OR2F1: variants seen among roughly 807,000 people sequenced by gnomAD.
The protein encoded by OR2F1 is olfactory receptor 2F1.
For missense variants in OR2F1, 389 were observed against 378.2 expected (o/e 1.03, Z -0.24); for synonymous variants, 146 against 155.3 (o/e 0.94, Z 0.44).
intron 2 of OR2F1, among the ~76,000 whole-genome samples, chr7:143,959,539 T>C (rs2116936595): frequency 6.6e-6 from 1 of 152,350 alleles, no homozygotes; most frequent in Non-Finnish European, 1.5e-5. Flanking sequence ...GTAGTAGATT[T>C]ACACATTTCA....
chr7:143,956,817 A>G (rs2050289555), intron 1 of OR2F1, among the ~76,000 whole-genome samples: 1 of 152,170 alleles, frequency 6.6e-6, no homozygotes, highest in Non-Finnish European at 1.5e-5. Flanking sequence ...AGATGGGAAT[A>G]AAGAGGGAAA....
At position 143,964,317 on chromosome 7, in the gene OR2F1, A is replaced by G. The variant is rs891976226; in HGVS notation, c.*3393A>G. 52 of 152,202 alleles carry G rather than the reference A, an allele frequency of 3.4e-4. No individual in the cohort carries two copies. Among genetic ancestry groups the G allele is most frequent in the African/African-American group, 1.3e-3 (52 of 41,462 alleles). The allele number at this position is 152,202 out of a possible 1,614,324, so 9.4% of individuals were successfully genotyped here. A position where few individuals can be genotyped will look rare whatever the true frequency, so the allele number is the denominator to read the frequency against. On this transcript the variant is annotated 3_prime_UTR_variant, in exon 3 of 3. Transcript: ENST00000641412. ...AAAATAAAATATTTTTCATTAGTTA[A>G]TAACCATAAAAACACCACTGAAGGT...
chr7:143,959,781 C>T, intron 2 of OR2F1, 167 bp from the exon 3 acceptor site: 1 of 523,952 alleles, frequency 1.9e-6, no homozygotes, highest in Non-Finnish European at 3.3e-6. Context: ...TAGTTTGTCT[C>T]TCTGATGCAA....
chr7:143,962,590 A>G lies in OR2F1; in HGVS notation c.*1666A>G, dbSNP rs1045348323. On this transcript the variant is annotated 3_prime_UTR_variant, in exon 3 of 3. Coordinates refer to ENST00000641412, the MANE Select transcript of OR2F1 (RefSeq NM_012369.3). ...CCAGAAATGTAAGAACAAGTTATCC[A>G]GAAGACAAGAAACCCAAAAAAGAAA... is the stretch of plus-strand genomic sequence containing the variant. The G allele has an allele frequency of 6.6e-6, 1 of 152,224 alleles. No homozygotes were observed. Among genetic ancestry groups the G allele is most frequent in the Admixed American group, 6.5e-5 (1 of 15,278 alleles). The allele number at this position is 152,224 out of a possible 1,614,324, so 9.4% of individuals were successfully genotyped here. A position where few individuals can be genotyped will look rare whatever the true frequency, so the allele number is the denominator to read the frequency against.
rs997484538 is a variant in OR2F1, at chr7:143,961,856, C to T, written c.*932C>T. 9.9e-5 allele frequency: 15 copies of T among 152,124 alleles called. No homozygotes were observed. The highest frequency in any genetic ancestry group is 1.9e-4 in the East Asian group (1 of 5,200). 9.4% of individuals were successfully genotyped at this position (152,124 alleles called of 1,614,324 possible). A position where few individuals can be genotyped will look rare whatever the true frequency, so the allele number is the denominator to read the frequency against. ...AGATAATTTAATATGAAGTTTGGAACGTCAAGGAAGGTCAGTCAACTATGC... is the reference window on the plus strand; with the variant it reads ...AGATAATTTAATATGAAGTTTGGAATGTCAAGGAAGGTCAGTCAACTATGC... On this transcript the variant is annotated 3_prime_UTR_variant, in exon 3 of 3. Coordinates refer to ENST00000641412, the MANE Select transcript of OR2F1 (RefSeq NM_012369.3).
At chr7:143,959,386 G>A (rs1472742391) in intron 2 of OR2F1, among the ~76,000 whole-genome samples, 2 of 152,174 alleles carry the variant, frequency 1.3e-5, no homozygotes, top group Non-Finnish European at 2.9e-5. Context: ...ATACTCGTGA[G>A]TTATGTAATA....
intron 1 of OR2F1, among the ~76,000 whole-genome samples, chr7:143,957,713 T>A (rs2050294826): frequency 6.6e-6 from 1 of 152,170 alleles, no homozygotes; most frequent in South Asian, 2.1e-4. Flanking sequence ...AGACTAAGGA[T>A]CATCAGTAAA....
rs774400423 is a variant in OR2F1, at chr7:143,960,075, T to G, written c.105T>G (p.Tyr35Ter). ...VSLFVLFLVM[Y>*]VVTVLGNCLI... ...TGTTTGTCCTGTTCTTGGTCATGTA[T>G]GTGGTGACCGTGCTGGGGAACTGTC... is the stretch of plus-strand genomic sequence containing the variant. The change falls in exon 3 of 3, where the codon TAT becomes TAG. Residue 35 changes from tyrosine to a stop codon, truncating the protein, a stop_gained. Transcript: ENST00000641412. LOFTEE classifies it low-confidence loss of function (END_TRUNC). 1 of 1,614,192 alleles carries G rather than the reference T, an allele frequency of 6.2e-7. No individual in the cohort carries two copies.
In OR2F1 at chr7:143,960,235, C is replaced by G. The variant is rs745628115; in HGVS notation, c.265C>G (p.His89Asp). 1 of 1,614,202 alleles carries G rather than the reference C, an allele frequency of 6.2e-7. No homozygotes were observed. Among genetic ancestry groups the G allele is most frequent in the South Asian group, 1.1e-5 (1 of 91,080 alleles). Reference protein sequence around the residue: ...PQLLAHFLAEHKAIPFQSCAA... With the variant: ...PQLLAHFLAEDKAIPFQSCAA... ...GCTGCTGGCACATTTTCTTGCAGAA[C>G]ATAAAGCCATCCCATTCCAGAGCTG... Residue 89 changes from histidine to aspartate, a missense_variant, in exon 3 of 3, where the codon CAT becomes GAT. Transcript: ENST00000641412.
intron 1 of OR2F1, among the ~76,000 whole-genome samples, chr7:143,955,373 G>C (rs535007836): frequency 1.3e-5 from 2 of 152,038 alleles, no homozygotes. Context: ...AAGGATCAGT[G>C]TAAGCTGTTA....
intron 1 of OR2F1, among the ~76,000 whole-genome samples, chr7:143,957,991 A>G (rs1467604416): frequency 6.6e-6 from 1 of 152,154 alleles, no homozygotes; most frequent in Non-Finnish European, 1.5e-5. Context: ...GACTTAGTGG[A>G]GAGACATGTT....
chr7:143,959,145 G>C (rs1229992410), intron 2 of OR2F1, 37 bp downstream of exon 2: 1 of 152,104 alleles, frequency 6.6e-6, no homozygotes, highest in Non-Finnish European at 1.5e-5. Flanking sequence ...ATTTGTATCT[G>C]AATTTGTGGA....
chr7:143,958,525 A>C (rs998417359), intron 1 of OR2F1, among the ~76,000 whole-genome samples: 1 of 152,276 alleles, frequency 6.6e-6, no homozygotes. Flanking sequence ...TTTATCACAT[A>C]AGAGAGTTGA....
At chr7:143,955,765 C>T (rs1175342510) in intron 1 of OR2F1, among the ~76,000 whole-genome samples, 2 of 152,068 alleles carry the variant, frequency 1.3e-5, no homozygotes, top group Non-Finnish European at 2.9e-5. Context: ...AAAGAAAGCT[C>T]AGAACACATA....
At chr7:143,955,238 C>T (rs1188770530) in intron 1 of OR2F1, 135 bp downstream of exon 1, 1 of 151,976 alleles carries the variant, frequency 6.6e-6, no homozygotes, top group Non-Finnish European at 1.5e-5. Context: ...TTAGCCATTC[C>T]AATAAAGGTA....
chr7:143,955,713 T>C (rs2050280279), intron 1 of OR2F1, among the ~76,000 whole-genome samples: 1 of 152,168 alleles, frequency 6.6e-6, no homozygotes, highest in South Asian at 2.1e-4. Context: ...TTCAGTACTG[T>C]GTTCTGAGCA....
At chr7:143,957,077 T>G (rs2050291116) in intron 1 of OR2F1, among the ~76,000 whole-genome samples, 1 of 152,154 alleles carries the variant, frequency 6.6e-6, no homozygotes, top group Non-Finnish European at 1.5e-5. Flanking sequence ...CTTGGAGCTT[T>G]GAAGAGAAAT....
In OR2F1 at chr7:143,964,283, A is replaced by C. The variant is rs1328331139; in HGVS notation, c.*3359A>C. The C allele has an allele frequency of 6.6e-6, 1 of 152,114 alleles. No homozygotes were observed. The highest frequency in any genetic ancestry group is 2.4e-5 in the African/African-American group (1 of 41,432). The allele number at this position is 152,114 out of a possible 1,614,324, so 9.4% of individuals were successfully genotyped here. On this transcript the variant is annotated 3_prime_UTR_variant, in exon 3 of 3. Coordinates refer to ENST00000641412, the MANE Select transcript of OR2F1 (RefSeq NM_012369.3). ...AGAAAAAATTTAAAAAGACACTGAA[A>C]AGTATTTGAAAATAAAATATTTTTC...
In OR2F1 at chr7:143,960,694, G is replaced by T; in HGVS notation, c.724G>T (p.Ala242Ser). 6.2e-7 allele frequency: 1 copy of T among 1,614,062 alleles called. No individual in the cohort carries two copies. Among genetic ancestry groups the T allele is most frequent in the South Asian group, 1.1e-5 (1 of 91,076 alleles). ...AAGAAAGAAAGCTTTCCACACGTGT[G>T]CCTCTCACCTCACAGTGGTTGCCCT... ...EGRKKAFHTCASHLTVVALCY... is the reference protein window; with the variant it reads ...EGRKKAFHTCSSHLTVVALCY... The change falls in exon 3 of 3, where the codon GCC (alanine) becomes TCC (serine). Residue 242 changes from alanine (A) to serine (S), a missense_variant. Ala to Ser is a moderately conservative substitution (Grantham distance 99). Transcript: ENST00000641412.
Sources: gnomAD v4.1 joint callset for allele counts (sites outside exome capture counted in the v4.1 genomes callset) on GRCh38, gnomAD v4.1.1 for gene constraint, MANE v1.5 for transcripts, NCBI Gene and HGNC (gene_info 2026-07-23, HGNC 2026-07-21) for gene names.